Variants in FMN2 observed in about 807,000 individuals in gnomAD.
FMN2 encodes formin-2.
FMN2 carries 51 observed loss-of-function variants against 142.3 expected under a neutral mutation model. The observed-to-expected ratio is 0.36, with a 90% CI of 0.29 to 0.45. The LOEUF is 0.45. Ranked by LOEUF, FMN2 falls within the 20% of genes least tolerant of loss-of-function variation. The pLI is 1.00. For missense variants in FMN2, 1,936 were observed against 2,122.8 expected, an observed-to-expected ratio of 0.91 and a Z score of 1.73; for synonymous variants, 882 against 869.8, an observed-to-expected ratio of 1.01 and a Z score of -0.25.
At chr1:240,456,896 C>T (rs1676264712) in intron 16 of FMN2, among the ~76,000 whole-genome samples, 2 of 152,306 alleles carry the variant, frequency 1.3e-5, no homozygotes, top group South Asian at 4.1e-4. Context: ...AAATCCAATC[C>T]TTTGTTCCAT....
intron 14 of FMN2, among the ~76,000 whole-genome samples, chr1:240,381,911 A>G (rs1211522717): frequency 1.3e-5 from 2 of 152,244 alleles, no homozygotes; most frequent in African/African-American, 2.4e-5. Context: ...GAGAACTGGA[A>G]CAAGACAAGG....
chr1:240,136,930 G>GTGCAGT (rs1275625569), intron 2 of FMN2, among the ~76,000 whole-genome samples: 1 of 151,944 alleles, frequency 6.6e-6, no homozygotes, highest in Non-Finnish European at 1.5e-5. Flanking sequence ...AATTAGCTGG[G>GTGCAGT]CGTGGTGTGG....
chr1:240,184,024 A>G (rs945917864), intron 3 of FMN2, among the ~76,000 whole-genome samples: 2 of 152,010 alleles, frequency 1.3e-5, no homozygotes, highest in Admixed American at 6.6e-5. Context: ...TTTATTTTCC[A>G]TTCTTAGCTG....
intron 4 of FMN2, among the ~76,000 whole-genome samples, chr1:240,188,495 A>G (rs1317058474): frequency 6.6e-6 from 1 of 152,154 alleles, no homozygotes; most frequent in African/African-American, 2.4e-5. Flanking sequence ...AAGCTGTTTT[A>G]TTCTATATCC....
chr1:240,231,151 A>G lies in FMN2; in HGVS notation c.4065+19916A>G, dbSNP rs188081140. Among the ~76,000 whole-genome samples the G allele has an allele frequency of 5.0e-3, 669 of 132,488 alleles. 200 individuals carry two copies. Among genetic ancestry groups the G allele is most frequent in the African/African-American group, 0.021 (652 of 31,062 alleles). 86.9% of individuals were successfully genotyped at this position (132,488 alleles called of 152,430 possible). A position where few individuals can be genotyped will look rare whatever the true frequency, so the allele number is the denominator to read the frequency against. ...CAATACTGCCACACACGAAGCAGGT[A>G]GACACACAGCTATTCCAAAAACAAG... On this transcript the variant is annotated intron_variant, in intron 6 of 17. Transcript: ENST00000319653.
At chr1:240,462,104 A>AT (rs1183651157) in intron 16 of FMN2, among the ~76,000 whole-genome samples, 13 of 152,224 alleles carry the variant, frequency 8.5e-5, no homozygotes, top group Non-Finnish European at 1.5e-4. Context: ...ATGTTTGTTC[A>AT]TTGTAAATTC....
intron 3 of FMN2, chr1:240,180,148 T>C (rs1261428736): frequency 7.8e-7 from 1 of 1,277,060 alleles, no homozygotes; most frequent in South Asian, 1.3e-5. Context: ...TTGTCTCCTT[T>C]TTAAAAATGC....
At chr1:240,128,915 C>T (rs1662623105) in intron 2 of FMN2, among the ~76,000 whole-genome samples, 1 of 151,926 alleles carries the variant, frequency 6.6e-6, no homozygotes, top group South Asian at 2.1e-4. Context: ...ATTATGCTGC[C>T]CAGGATGGAG....
intron 2 of FMN2, chr1:240,143,781 C>T: frequency 6.6e-7 from 1 of 1,511,982 alleles, no homozygotes; most frequent in Non-Finnish European, 9.2e-7. Context: ...GAAGTTACAT[C>T]TCCATTGCAG....
At chr1:240,356,211 C>T (rs1672268265) in intron 14 of FMN2, among the ~76,000 whole-genome samples, 1 of 152,020 alleles carries the variant, frequency 6.6e-6, no homozygotes. Flanking sequence ...AAGACATTAA[C>T]AATTCTGTGC....
intron 7 of FMN2, among the ~76,000 whole-genome samples, chr1:240,273,007 G>A (rs553911892): frequency 2.0e-5 from 3 of 149,426 alleles, no homozygotes; most frequent in African/African-American, 7.5e-5. Context: ...TCACTTCTCC[G>A]ATAGATTATA....
intron 1 of FMN2, among the ~76,000 whole-genome samples, chr1:240,095,964 T>C (rs879612371): frequency 3.3e-5 from 5 of 152,126 alleles, no homozygotes; most frequent in Admixed American, 3.3e-4. Flanking sequence ...ATACAGCTGG[T>C]TGGTAATCAG....
At chr1:240,220,797 A>T (rs899574747) in intron 6 of FMN2, among the ~76,000 whole-genome samples, 1 of 152,084 alleles carries the variant, frequency 6.6e-6, no homozygotes, top group Non-Finnish European at 1.5e-5. Context: ...TACACGTGCC[A>T]TGGTGGTTTG....
intron 2 of FMN2, among the ~76,000 whole-genome samples, chr1:240,154,391 T>G (rs937592803): frequency 1.8e-4 from 28 of 151,968 alleles, no homozygotes; most frequent in Admixed American, 3.3e-4. Context: ...AAGTAGGAGT[T>G]TTCAAGGTGG....
intron 6 of FMN2, among the ~76,000 whole-genome samples, chr1:240,212,939 G>A (rs966177476): frequency 2.0e-5 from 3 of 151,958 alleles, no homozygotes; most frequent in Non-Finnish European, 4.4e-5. Flanking sequence ...TTGTTTTTTT[G>A]TGTTTTTTTG....
intron 1 of FMN2, 92 bp from the exon 2 acceptor site, chr1:240,123,087 C>G: frequency 7.1e-7 from 1 of 1,406,480 alleles, no homozygotes; most frequent in Admixed American, 1.9e-5. Flanking sequence ...GGTGTTGTTC[C>G]CTGGCAGTGT....
In FMN2 at chr1:240,207,723, C is replaced by T. The variant is rs778896753; in HGVS notation, c.2911C>T (p.Pro971Ser). 2 of 1,475,598 alleles carry T rather than the reference C, an allele frequency of 1.4e-6. No individual in the cohort carries two copies. Among genetic ancestry groups the T allele is most frequent in the South Asian group, 1.2e-5 (1 of 85,430 alleles). 91.4% of individuals were successfully genotyped at this position (1,475,598 alleles called of 1,614,324 possible). ...GAGIPLPPPL[P>S]GAGIPPPPPL... The stretch of plus-strand genomic sequence containing the variant: ...AGGCATACCCCTTCCTCCCCCTCTT[C>T]CCGGAGCAGGAATACCTCCTCCACC... The change falls in exon 5 of 18, where the codon CCC becomes TCC. Residue 971 changes from proline to serine, a missense_variant. This residue lies in a region of FMN2 where 63 missense variants were observed against 86.3 expected (regional missense o/e 0.73). Transcript: ENST00000319653.
intron 13 of FMN2, among the ~76,000 whole-genome samples, chr1:240,346,763 T>TCATCTGGGC (rs11282508): frequency 0.61 from 93,079 of 151,906 alleles, 30,623 homozygotes; most frequent in African/African-American, 0.87. Context: ...TGATATTTAG[T>TCATCTGGGC]CCCACAAATT....
At chr1:240,438,233 T>C (rs1287688675) in intron 16 of FMN2, 23 bp downstream of exon 16, 1 of 1,602,168 alleles carries the variant, frequency 6.2e-7, no homozygotes, top group South Asian at 1.1e-5. Context: ...ATTTGCACAA[T>C]GGCATTTTAA....
Sources: gnomAD v4.1 joint callset for allele counts (sites outside exome capture counted in the v4.1 genomes callset) on GRCh38, gnomAD v4.1.1 for gene constraint, gnomAD v4.1.1 regional missense constraint, MANE v1.5 for transcripts, NCBI Gene and HGNC (gene_info 2026-07-23, HGNC 2026-07-21) for gene names.